Variants in KCNU1 observed in about 807,000 individuals in gnomAD.
KCNU1 encodes potassium calcium-activated channel subfamily U member 1.
Under a neutral mutation model 126.8 loss-of-function variants are expected in KCNU1, and 93 were observed. The ratio of observed to expected loss-of-function variants is 0.73; its 90% CI spans 0.62 to 0.87. KCNU1 has a LOEUF of 0.87. Ranked by LOEUF, KCNU1 falls within the 40% of genes least tolerant of loss-of-function variation. The probability of loss-of-function intolerance (pLI) is 0.00; values close to 1 mark genes in which losing one functional copy is unlikely to be tolerated. For missense variants in KCNU1, 1,330 were observed against 1,367.1 expected, an observed-to-expected ratio of 0.97 and a Z score of 0.43; for synonymous variants, 523 against 494.2, an observed-to-expected ratio of 1.06 and a Z score of -0.77.
chr8:36,825,534 C>T (rs1219108499), intron 10 of KCNU1, among the ~76,000 whole-genome samples: 2 of 151,990 alleles, frequency 1.3e-5, no homozygotes, highest in Admixed American at 6.6e-5. Context: ...TTTCTTCATG[C>T]CAAAAAGTAG....
intron 2 of KCNU1, 70 bp from the exon 3 acceptor site, chr8:36,803,957 C>A: frequency 9.7e-7 from 1 of 1,034,152 alleles, no homozygotes; most frequent in Non-Finnish European, 1.5e-6. Flanking sequence ...AAAGAGAAAA[C>A]ACACTTTTGT....
chr8:36,846,880 C>T (rs1805171395), intron 18 of KCNU1, among the ~76,000 whole-genome samples: 1 of 151,262 alleles, frequency 6.6e-6, no homozygotes, highest in South Asian at 2.1e-4. Context: ...TTAGTCAATT[C>T]AAAATATGAA....
At chr8:36,836,467 A>G in intron 13 of KCNU1, 102 bp downstream of exon 13, 2 of 792,386 alleles carry the variant, frequency 2.5e-6, no homozygotes, top group South Asian at 3.5e-5. Context: ...GTTTTTGCTA[A>G]TCATAGGTAA....
chr8:36,813,418 G>A (rs1585404862), intron 7 of KCNU1, among the ~76,000 whole-genome samples: 1 of 151,354 alleles, frequency 6.6e-6, no homozygotes, highest in African/African-American at 2.4e-5. Flanking sequence ...TATGTGAGCT[G>A]AGGAGAAAAA....
chr8:36,862,406 A>G (rs1384915337), intron 18 of KCNU1, among the ~76,000 whole-genome samples: 1 of 152,144 alleles, frequency 6.6e-6, no homozygotes. Context: ...TGGTAAATAA[A>G]CAATTTTCAA....
chr8:36,915,225 G>A (rs190233629), intron 22 of KCNU1, among the ~76,000 whole-genome samples: 3 of 152,312 alleles, frequency 2.0e-5, no homozygotes, highest in Admixed American at 6.5e-5. Context: ...GAAGAAAACT[G>A]ATTTCAATAT....
intron 19 of KCNU1, among the ~76,000 whole-genome samples, chr8:36,900,775 T>C (rs1807385635): frequency 6.6e-6 from 1 of 152,120 alleles, no homozygotes; most frequent in Non-Finnish European, 1.5e-5. Context: ...GGCTAGAACT[T>C]GACTATTATG....
At chr8:36,832,878 G>GA (rs1220940419) in intron 10 of KCNU1, among the ~76,000 whole-genome samples, 22 of 151,954 alleles carry the variant, frequency 1.4e-4, no homozygotes, top group African/African-American at 5.1e-4. Flanking sequence ...ATATTTCTAA[G>GA]AATAATGATA....
intron 22 of KCNU1, among the ~76,000 whole-genome samples, chr8:36,915,199 G>A (rs1808051623): frequency 6.6e-6 from 1 of 152,192 alleles, no homozygotes; most frequent in Non-Finnish European, 1.5e-5. Flanking sequence ...TTTACCCATA[G>A]AGAGGTTTCC....
chr8:36,825,098 A>G (rs188450672), intron 10 of KCNU1, among the ~76,000 whole-genome samples: 11 of 152,288 alleles, frequency 7.2e-5, no homozygotes, highest in African/African-American at 1.2e-4. Context: ...CCTACATCCT[A>G]CTAACACTGG....
At chr8:36,897,683 A>C (rs1807251861) in intron 19 of KCNU1, among the ~76,000 whole-genome samples, 1 of 151,996 alleles carries the variant, frequency 6.6e-6, no homozygotes, top group Non-Finnish European at 1.5e-5. Flanking sequence ...TATGGAGGCT[A>C]TCTCACCCTG....
At chr8:36,862,169 ATAGG>A (rs958762893) in intron 18 of KCNU1, among the ~76,000 whole-genome samples, 4 of 151,932 alleles carry the variant, frequency 2.6e-5, no homozygotes, top group Admixed American at 6.6e-5. Context: ...ATAGTTAGCT[ATAGG>A]TAGGTAGGTA....
At chr8:36,839,271 A>G (rs781222170) in intron 14 of KCNU1, among the ~76,000 whole-genome samples, 8 of 152,170 alleles carry the variant, frequency 5.3e-5, no homozygotes, top group Non-Finnish European at 8.8e-5. Flanking sequence ...TTACTTGAGC[A>G]CCCAGATTCT....
chr8:36,871,556 A>G (rs998163605), intron 19 of KCNU1, among the ~76,000 whole-genome samples: 1 of 152,232 alleles, frequency 6.6e-6, no homozygotes, highest in Non-Finnish European at 1.5e-5. Context: ...GAATTGTACC[A>G]TAGAAAAGTC....
intron 22 of KCNU1, among the ~76,000 whole-genome samples, chr8:36,913,022 A>C (rs998075069): frequency 6.6e-6 from 1 of 151,642 alleles, no homozygotes; most frequent in Non-Finnish European, 1.5e-5. Flanking sequence ...GCACAATATA[A>C]GCCCAGGATA....
rs570237282 is a variant in KCNU1, at chr8:36,834,853, T to C, written c.1280T>C (p.Ile427Thr). The change falls in exon 12 of 27, where the codon ATT (isoleucine) becomes ACT (threonine). Residue 427 changes from isoleucine to threonine, a missense_variant. Physicochemically the swap from Ile to Thr is moderately conservative, Grantham distance 89. This residue lies in a region of KCNU1 where 1,054 missense variants were observed against 1,053.9 expected (regional missense o/e 1.00). Coordinates refer to ENST00000399881, the MANE Select transcript of KCNU1 (RefSeq NM_001031836.3). Reference protein sequence around the residue: ...PLCSDSHAEDISNIMRVLSIK... With the variant: ...PLCSDSHAEDTSNIMRVLSIK... Reference sequence around the variant, plus strand: ...TGCAGTGATTCCCATGCTGAAGATATTTCCAACATTATGAGGTAAGAAGCT... The same window carrying C: ...TGCAGTGATTCCCATGCTGAAGATACTTCCAACATTATGAGGTAAGAAGCT... 8.1e-5 allele frequency: 130 copies of C among 1,609,560 alleles called. No homozygotes were observed. The Middle Eastern group carries it at 1.3e-3, about 16-fold the overall frequency.
chr8:36,792,706 C>CCCACTTTATTTAT (rs1239462411), intron 2 of KCNU1, among the ~76,000 whole-genome samples: 5 of 152,034 alleles, frequency 3.3e-5, no homozygotes, highest in Non-Finnish European at 7.4e-5. Flanking sequence ...ATGAAAAATG[C>CCCACTTTATTTAT]TGTCTATAGA....
chr8:36,814,940 T>A (rs963764820), intron 8 of KCNU1, among the ~76,000 whole-genome samples: 5 of 152,196 alleles, frequency 3.3e-5, no homozygotes, highest in Admixed American at 6.5e-5. Flanking sequence ...CATCCCTTTT[T>A]TTCAGTCATT....
intron 23 of KCNU1, among the ~76,000 whole-genome samples, chr8:36,919,248 G>C (rs568889231): frequency 6.6e-6 from 1 of 151,990 alleles, no homozygotes; most frequent in African/African-American, 2.4e-5. Flanking sequence ...ACAGGACTTC[G>C]GGTCAGATGC....
Sources: allele counts gnomAD v4.1 joint callset (sites outside exome capture counted in the v4.1 genomes callset), GRCh38; gene constraint gnomAD v4.1.1; regional missense constraint gnomAD v4.1.1; transcripts MANE v1.5; gene names NCBI Gene and HGNC (gene_info 2026-07-23, HGNC 2026-07-21).